CFAP418: variants seen among roughly 807,000 people sequenced by gnomAD.
CFAP418 encodes the protein cilia- and flagella-associated protein 418.
Under a neutral mutation model 24.7 loss-of-function variants are expected in CFAP418, and 27 were observed. The ratio of observed to expected loss-of-function variants is 1.09; its 90% CI spans 0.81 to 1.51. The LOEUF is 1.51. CFAP418 is among the 40% of genes most tolerant of loss of function. The probability of loss-of-function intolerance (pLI) is 0.00; values close to 1 mark genes in which losing one functional copy is unlikely to be tolerated. For missense variants in CFAP418, 257 were observed against 255.2 expected, an observed-to-expected ratio of 1.01 and a Z score of -0.05; for synonymous variants, 74 against 87.3, an observed-to-expected ratio of 0.85 and a Z score of 0.85.
intron 1 of CFAP418, among the ~76,000 whole-genome samples, chr8:95,264,697 A>G (rs141576326): frequency 0.015 from 2,238 of 152,316 alleles, 27 homozygotes; most frequent in Non-Finnish European, 0.023. Context: ...AAACTCTCTA[A>G]TTTCAGAAAT....
chr8:95,260,603 T>A, intron 2 of CFAP418, 71 bp from the exon 3 acceptor site: 1 of 813,368 alleles, frequency 1.2e-6, no homozygotes. Flanking sequence ...CTAATATTCC[T>A]TATAACAAGA....
At chr8:95,266,518 A>G (rs998848857) in intron 1 of CFAP418, among the ~76,000 whole-genome samples, 2 of 152,184 alleles carry the variant, frequency 1.3e-5, no homozygotes, top group Non-Finnish European at 2.9e-5. Flanking sequence ...CTTATAAGAG[A>G]TACAGGTTAC....
chr8:95,260,329 A>G lies in CFAP418; in HGVS notation c.308+139T>C, dbSNP rs193302112. 2.1e-4 allele frequency: 127 copies of G among 600,766 alleles called. 2 individuals carry two copies. The East Asian group carries it at 2.7e-3, about 13-fold the overall frequency. The allele number at this position is 600,766 out of a possible 1,614,324, so 37.2% of individuals were successfully genotyped here. On this transcript the variant is annotated intron_variant, in intron 3 of 5. Coordinates refer to ENST00000286688, the MANE Select transcript of CFAP418 (RefSeq NM_177965.4). ...CCATAAGAACACTGAAGATATTGCT[A>G]TTGGTCTTTCTCCTGAAGGCCAACC... is the stretch of plus-strand genomic sequence containing the variant.
intron 4 of CFAP418, among the ~76,000 whole-genome samples, chr8:95,253,154 A>T (rs1811734590): frequency 6.6e-6 from 1 of 151,984 alleles, no homozygotes; most frequent in Non-Finnish European, 1.5e-5. Flanking sequence ...CTAAAAATAC[A>T]AAAAAATTAG....
intron 1 of CFAP418, 167 bp downstream of exon 1, chr8:95,268,868 C>A (rs1262638784): frequency 1.4e-6 from 1 of 710,012 alleles, no homozygotes; most frequent in Non-Finnish European, 2.4e-6. Flanking sequence ...CGAAGAGGGT[C>A]GACGAATGCG....
chr8:95,248,201 C>G (rs1811656824), intron 5 of CFAP418, among the ~76,000 whole-genome samples: 1 of 152,188 alleles, frequency 6.6e-6, no homozygotes, highest in African/African-American at 2.4e-5. Context: ...CACACTAACA[C>G]TAGAAGATAT....
intron 1 of CFAP418, among the ~76,000 whole-genome samples, chr8:95,268,058 C>G (rs1586039978): frequency 6.6e-6 from 1 of 151,918 alleles, no homozygotes; most frequent in African/African-American, 2.4e-5. Flanking sequence ...AACTAGGGGG[C>G]CATGGAGAGA....
chr8:95,255,167 A>G (rs1023589028), intron 4 of CFAP418, among the ~76,000 whole-genome samples: 6 of 152,020 alleles, frequency 3.9e-5, no homozygotes, highest in African/African-American at 1.5e-4. Flanking sequence ...AGAAACACAA[A>G]TCTGGCCCAT....
At chr8:95,268,776 G>GGGGCGGGGCAGGGCA (rs1554559651) in intron 1 of CFAP418, 1 of 228,692 alleles carries the variant, frequency 4.4e-6, no homozygotes, top group African/African-American at 2.7e-5. Context: ...GGGGCGGGGC[G>GGGGCGGGGCAGGGCA]GGGCGGGGCG....
rs1461426973 is a variant in CFAP418, at chr8:95,245,790, A to T, written c.*1827T>A. 1 of 152,130 alleles carries T rather than the reference A, an allele frequency of 6.6e-6. No homozygotes were observed. The highest frequency in any genetic ancestry group is 2.4e-5 in the African/African-American group (1 of 41,422). 9.4% of individuals were successfully genotyped at this position (152,130 alleles called of 1,614,324 possible). ...GTGATTTAGTAAATTTGCTTACTGG[A>T]ATAAAAAAGAAAGAATTGCACCATT... On this transcript the variant is annotated 3_prime_UTR_variant, in exon 6 of 6. Coordinates refer to ENST00000286688, the MANE Select transcript of CFAP418 (RefSeq NM_177965.4).
chr8:95,265,179 T>C (rs1255471276), intron 1 of CFAP418, among the ~76,000 whole-genome samples: 1 of 152,100 alleles, frequency 6.6e-6, no homozygotes, highest in Non-Finnish European at 1.5e-5. Context: ...TTACAGCATC[T>C]ACCCACTAGA....
chr8:95,263,473 T>G (rs913790777), intron 2 of CFAP418, among the ~76,000 whole-genome samples: 8 of 152,196 alleles, frequency 5.3e-5, no homozygotes, highest in Non-Finnish European at 2.9e-5. Flanking sequence ...TCTAATTTGT[T>G]ATTCTTACTG....
At position 95,254,117 on chromosome 8, in the gene CFAP418, T is replaced by A. The variant is rs367818479; in HGVS notation, c.375-1834A>T. On this transcript the variant is annotated intron_variant, in intron 4 of 5. Coordinates refer to ENST00000286688, the MANE Select transcript of CFAP418 (RefSeq NM_177965.4). ...ATTCCACTGCTACGATTTACTCTAT[T>A]AGATCATAATTAGTACCAGTCTATG... Among the ~76,000 whole-genome samples the A allele has an allele frequency of 5.9e-5, 9 of 152,358 alleles. No homozygotes were observed. The East Asian group carries it at 1.7e-3, about 29-fold the overall frequency.
At position 95,268,993 on chromosome 8, in the gene CFAP418, C is replaced by G. The variant is rs760298817; in HGVS notation, c.155+42G>C. 14 of 1,594,622 alleles carry G rather than the reference C, an allele frequency of 8.8e-6. No individual in the cohort carries two copies. In the South Asian group the frequency reaches 1.6e-4, roughly 18 times the overall value. On this transcript the variant is annotated intron_variant, in intron 1 of 5. Transcript: ENST00000286688. ...GGAGGGGCAGCTCTAGGGCCTGGAG[C>G]AGGGCTTTACCAGAACAGTCCACCC... is the stretch of plus-strand genomic sequence containing the variant.
intron 3 of CFAP418, among the ~76,000 whole-genome samples, 199 bp from the exon 4 acceptor site, chr8:95,260,104 C>T (rs2132161507): frequency 6.6e-6 from 1 of 152,244 alleles, no homozygotes; most frequent in African/African-American, 2.4e-5. Flanking sequence ...ATAACCTGTA[C>T]ATTCAGGAAC....
chr8:95,264,205 G>T lies in CFAP418; in HGVS notation c.156-431C>A, dbSNP rs114210364. On this transcript the variant is annotated intron_variant, in intron 1 of 5. Coordinates refer to ENST00000286688, the MANE Select transcript of CFAP418 (RefSeq NM_177965.4). Reference sequence around the variant, plus strand: ...AGTCAACCATACCTCTTTACTAGAGGGGCCGAAGGTCATGTAATCAAATGA... The same window carrying T: ...AGTCAACCATACCTCTTTACTAGAGTGGCCGAAGGTCATGTAATCAAATGA... Among the ~76,000 whole-genome samples, 1,151 of 152,144 alleles carry T rather than the reference G, an allele frequency of 7.6e-3. 13 individuals are homozygous for T. The highest frequency in any genetic ancestry group is 0.026 in the African/African-American group (1,090 of 41,518).
intron 4 of CFAP418, among the ~76,000 whole-genome samples, chr8:95,256,952 G>C (rs368457340): frequency 5.3e-5 from 8 of 152,172 alleles, no homozygotes; most frequent in African/African-American, 1.7e-4. Context: ...GGAACAACAA[G>C]GATAACAATT....
chr8:95,259,834 AC>A lies in CFAP418; in HGVS notation c.374+5del. The A allele has an allele frequency of 6.2e-7, 1 of 1,602,646 alleles. No homozygotes were observed. The highest frequency in any genetic ancestry group is 8.5e-7 in the Non-Finnish European group (1 of 1,175,910). On this transcript the variant is annotated splice_donor_5th_base_variant and intron_variant, in intron 4 of 5. Transcript: ENST00000286688. ...AAGAAAGTATAATACATTTCTGACA[AC>A]CTACCTCCATGAAATATTTGTTCCA...
At chr8:95,263,583 A>G in intron 2 of CFAP418, 104 bp downstream of exon 2, 1 of 634,844 alleles carries the variant, frequency 1.6e-6, no homozygotes, top group Non-Finnish European at 2.7e-6. Flanking sequence ...TATTTCTCAG[A>G]ATTCAAAAGA....
Sources: gnomAD v4.1 joint callset for allele counts (sites outside exome capture counted in the v4.1 genomes callset) on GRCh38, gnomAD v4.1.1 for gene constraint, MANE v1.5 for transcripts, NCBI Gene and HGNC (gene_info 2026-07-23, HGNC 2026-07-21) for gene names.